Variants in EPHA6 observed in about 807,000 individuals in gnomAD.
EPHA6 encodes ephrin type-A receptor 6.
In EPHA6, 50 loss-of-function variants were observed where a neutral mutation model predicts 112.0. That is an observed-to-expected ratio of 0.45 (90% confidence interval 0.36 to 0.56). The LOEUF (loss-of-function observed/expected upper bound fraction) is 0.56, where lower values mean the gene tolerates loss of function less well. Ranked by LOEUF, EPHA6 falls within the 20% of genes least tolerant of loss-of-function variation. The pLI, the probability that EPHA6 is intolerant of heterozygous loss-of-function variation, is 0.00. For missense variants in EPHA6, 1,280 were observed against 1,417.4 expected (o/e 0.90, Z 1.56); for synonymous variants, 529 against 490.7 (o/e 1.08, Z -1.03).
intron 3 of EPHA6, among the ~76,000 whole-genome samples, chr3:97,032,810 A>G (rs2044920583): frequency 6.6e-6 from 1 of 152,008 alleles, no homozygotes; most frequent in Admixed American, 6.6e-5. Context: ...CCCTAAGCCT[A>G]GCGATAAAAG....
chr3:97,294,332 G>T (rs528575759), intron 5 of EPHA6, among the ~76,000 whole-genome samples: 1 of 152,248 alleles, frequency 6.6e-6, no homozygotes, highest in African/African-American at 2.4e-5. Flanking sequence ...CATAAGTACA[G>T]CCCCTTTGGC....
intron 13 of EPHA6, among the ~76,000 whole-genome samples, chr3:97,626,635 T>G (rs1243296158): frequency 6.6e-6 from 1 of 151,686 alleles, no homozygotes; most frequent in Non-Finnish European, 1.5e-5. Flanking sequence ...AAGTATAGTT[T>G]TGTATGAGGG....
At chr3:96,819,663 T>C (rs2033098355) in intron 1 of EPHA6, among the ~76,000 whole-genome samples, 1 of 152,154 alleles carries the variant, frequency 6.6e-6, no homozygotes. Flanking sequence ...TTGTCCAACA[T>C]ACATTGTAAT....
intron 2 of EPHA6, among the ~76,000 whole-genome samples, chr3:96,979,919 T>C (rs1329299244): frequency 2.0e-5 from 3 of 152,200 alleles, no homozygotes; most frequent in East Asian, 1.9e-4. Context: ...TCTTGTAAAT[T>C]TGTTTGAGTT....
At chr3:96,946,939 T>C (rs1374219337) in intron 2 of EPHA6, among the ~76,000 whole-genome samples, 1 of 152,220 alleles carries the variant, frequency 6.6e-6, no homozygotes, top group Non-Finnish European at 1.5e-5. Flanking sequence ...TGATGAGCAT[T>C]TTTTCATGTG....
intron 15 of EPHA6, among the ~76,000 whole-genome samples, chr3:97,729,282 A>G (rs1445391803): frequency 6.6e-6 from 1 of 152,074 alleles, no homozygotes. Context: ...ATGAGAAAGT[A>G]TATTAGTCCA....
rs1010706093 is a variant in EPHA6 at position 97,748,862 on chromosome 3, T to C, written c.*161T>C. ...TTATGTTTATGCTTCCAACCAGGAT[T>C]TTAAAATCATGCTACATAAATCCGT... On this transcript the variant is annotated 3_prime_UTR_variant, in exon 18 of 18. Coordinates refer to ENST00000389672, the MANE Select transcript of EPHA6 (RefSeq NM_001080448.3). 31 of 597,612 alleles carry C rather than the reference T, an allele frequency of 5.2e-5. No homozygotes were observed. In the African/African-American group the frequency reaches 5.7e-4, roughly 11 times the overall value. The allele number at this position is 597,612 out of a possible 1,614,324, so 37.0% of individuals were successfully genotyped here. A position where few individuals can be genotyped will look rare whatever the true frequency, so the allele number is the denominator to read the frequency against.
At chr3:97,342,814 T>C (rs2083375432) in intron 5 of EPHA6, among the ~76,000 whole-genome samples, 1 of 152,200 alleles carries the variant, frequency 6.6e-6, no homozygotes, top group South Asian at 2.1e-4. Context: ...TCCGTATCTA[T>C]GAGCACCTTA....
Position 96,814,780 on chromosome 3 carries a change from CG to C in EPHA6, c.160del (p.Val54TrpfsTer31), listed in dbSNP as rs1248445837. 1.2e-6 allele frequency: 2 copies of C among 1,602,458 alleles called. No homozygotes were observed. The highest frequency in any genetic ancestry group is 1.7e-6 in the Non-Finnish European group (2 of 1,173,662). On this transcript the variant is annotated frameshift_variant, in exon 1 of 18. Transcript: ENST00000389672. LOFTEE classifies it high-confidence loss of function. Reference protein sequence around the residue: ...RGRPGTPPAGRVEEEEEEEEE... With the variant: ...RGRPGTPPAGXVEEEEEEEEE... The stretch of plus-strand genomic sequence containing the variant: ...GCGCCCCGGGACACCCCCTGCGGGC[CG>C]GGTGGAGGAGGAAGAGGAGGAGGAG...
At chr3:97,624,757 T>C (rs899826080) in intron 13 of EPHA6, among the ~76,000 whole-genome samples, 2 of 151,602 alleles carry the variant, frequency 1.3e-5, no homozygotes, top group Admixed American at 6.6e-5. Flanking sequence ...TCAGGTTTTT[T>C]ATTTCTTCAT....
At chr3:97,257,854 T>C (rs1007058193) in intron 5 of EPHA6, among the ~76,000 whole-genome samples, 4 of 152,042 alleles carry the variant, frequency 2.6e-5, no homozygotes, top group African/African-American at 9.7e-5. Context: ...TACAATATTG[T>C]GTTAAGTGTA....
intron 6 of EPHA6, among the ~76,000 whole-genome samples, chr3:97,408,239 A>C (rs2087487527): frequency 1.3e-5 from 2 of 152,030 alleles, no homozygotes; most frequent in African/African-American, 2.4e-5. Context: ...TAATACTGTT[A>C]CAATGACAAT....
chr3:97,043,367 A>G (rs552605520), intron 3 of EPHA6, among the ~76,000 whole-genome samples: 2 of 152,160 alleles, frequency 1.3e-5, no homozygotes, highest in Non-Finnish European at 2.9e-5. Flanking sequence ...ATAAGGCCAC[A>G]TGTCCCAGAA....
chr3:97,066,724 G>A (rs1201980671), intron 3 of EPHA6, among the ~76,000 whole-genome samples: 1 of 152,152 alleles, frequency 6.6e-6, no homozygotes, highest in South Asian at 2.1e-4. Context: ...AGAGATTTCA[G>A]GGCAGAGATT....
intron 3 of EPHA6, among the ~76,000 whole-genome samples, chr3:97,158,655 A>G (rs183487419): frequency 3.3e-5 from 5 of 152,222 alleles, no homozygotes; most frequent in Non-Finnish European, 7.4e-5. Context: ...ATAGTCATTT[A>G]TGTCTTTGTC....
chr3:97,242,064 C>T (rs1050940990), intron 4 of EPHA6, among the ~76,000 whole-genome samples: 4 of 151,636 alleles, frequency 2.6e-5, no homozygotes, highest in African/African-American at 7.3e-5. Context: ...TGAAGGTAGA[C>T]GTTTCTGTAA....
chr3:97,163,220 C>T (rs1425369614), intron 3 of EPHA6, among the ~76,000 whole-genome samples: 1 of 152,158 alleles, frequency 6.6e-6, no homozygotes, highest in Non-Finnish European at 1.5e-5. Flanking sequence ...TCCAATTCCT[C>T]TAAGTTTTTA....
At chr3:96,864,990 T>C (rs1002008406) in intron 1 of EPHA6, among the ~76,000 whole-genome samples, 2 of 152,040 alleles carry the variant, frequency 1.3e-5, no homozygotes, top group Non-Finnish European at 2.9e-5. Context: ...TGAAATCTTA[T>C]AGTGGGGAAG....
At chr3:97,203,038 C>G (rs898065395) in intron 3 of EPHA6, among the ~76,000 whole-genome samples, 3 of 152,044 alleles carry the variant, frequency 2.0e-5, no homozygotes, top group African/African-American at 7.2e-5. Flanking sequence ...GGGGTCAGCT[C>G]TTACAGAACT....
Sources: gnomAD v4.1 joint callset for allele counts (sites outside exome capture counted in the v4.1 genomes callset) on GRCh38, gnomAD v4.1.1 for gene constraint, MANE v1.5 for transcripts, NCBI Gene and HGNC (gene_info 2026-07-23, HGNC 2026-07-21) for gene names.